Variants in NUP210L observed in about 807,000 individuals in gnomAD.
NUP210L encodes the protein nuclear pore membrane glycoprotein 210-like.
Under a neutral mutation model 208.5 loss-of-function variants are expected in NUP210L, and 74 were observed. That is an observed-to-expected ratio of 0.35 (90% CI 0.29 to 0.43). The LOEUF (loss-of-function observed/expected upper bound fraction) is 0.43, where lower values mean the gene tolerates loss of function less well. Ranked by LOEUF, NUP210L falls within the 20% of genes least tolerant of loss-of-function variation. The pLI is 1.00. For synonymous variants in NUP210L, 780 were observed against 816.9 expected, an observed-to-expected ratio of 0.95 and a Z score of 0.77; for missense variants, 1,843 against 2,289.4, an observed-to-expected ratio of 0.81 and a Z score of 3.98.
At chr1:154,060,805 A>G in intron 19 of NUP210L, 137 bp downstream of exon 19, 2 of 743,164 alleles carry the variant, frequency 2.7e-6, no homozygotes, top group South Asian at 3.6e-5. Context: ...AGGACAGTGC[A>G]ACTATTATAT....
At chr1:154,012,775 G>A (rs867846713) in intron 33 of NUP210L, among the ~76,000 whole-genome samples, 5 of 151,490 alleles carry the variant, frequency 3.3e-5, no homozygotes, top group South Asian at 2.1e-4. Flanking sequence ...AGGCCGAGGC[G>A]GGCGGCTCAC....
At chr1:154,136,059 G>C in intron 6 of NUP210L, 87 bp from the exon 7 acceptor site, 1 of 900,430 alleles carries the variant, frequency 1.1e-6, no homozygotes, top group Non-Finnish European at 1.8e-6. Context: ...GGAATGATCA[G>C]GAAGCAGACA....
intron 12 of NUP210L, among the ~76,000 whole-genome samples, chr1:154,112,419 C>T (rs1050624474): frequency 6.6e-6 from 1 of 151,844 alleles, no homozygotes; most frequent in African/African-American, 2.4e-5. Context: ...AAAAACATTG[C>T]TAAAATAACT....
chr1:154,054,069 A>T (rs937257749), intron 25 of NUP210L, among the ~76,000 whole-genome samples, 159 bp downstream of exon 25: 1 of 152,214 alleles, frequency 6.6e-6, no homozygotes, highest in Non-Finnish European at 1.5e-5. Context: ...TTCACTAAAG[A>T]TGACATTTTC....
At chr1:153,993,861 T>G (rs937850700) in intron 38 of NUP210L, among the ~76,000 whole-genome samples, 22 of 151,974 alleles carry the variant, frequency 1.4e-4, no homozygotes, top group Non-Finnish European at 1.3e-4. Flanking sequence ...TTGCACCACT[T>G]CACACCAGCC....
intron 16 of NUP210L, among the ~76,000 whole-genome samples, chr1:154,073,328 T>C (rs1312359975): frequency 1.3e-5 from 2 of 151,926 alleles, no homozygotes; most frequent in African/African-American, 4.8e-5. Flanking sequence ...TCCTCCCACC[T>C]CGGCCTCCCA....
intron 33 of NUP210L, 23 bp from the exon 34 acceptor site, chr1:154,012,393 T>A: frequency 6.2e-7 from 1 of 1,607,154 alleles, no homozygotes; most frequent in Non-Finnish European, 8.5e-7. Flanking sequence ...CAAAGGAAAA[T>A]CTGCACCTAA....
rs144422337 is a variant in NUP210L, at chr1:154,127,700, G to A, written c.1079-283C>T. ...CAAGTAACTGGGATTATCGGTGTGCGTTACCATGCATGCTCAGCTAATTTT... is the reference window on the plus strand; with the variant it reads ...CAAGTAACTGGGATTATCGGTGTGCATTACCATGCATGCTCAGCTAATTTT... On this transcript the variant is annotated intron_variant, in intron 8 of 39. Coordinates refer to ENST00000368559, the Ensembl canonical transcript of NUP210L. 8.4e-4 allele frequency among the ~76,000 whole-genome samples: 127 copies of A among 151,758 alleles called. 1 individual carries two copies. Among genetic ancestry groups the A allele is most frequent in the African/African-American group, 2.7e-3 (110 of 41,352 alleles).
intron 17 of NUP210L, among the ~76,000 whole-genome samples, chr1:154,069,928 A>C (rs1001162573): frequency 3.3e-5 from 5 of 152,180 alleles, no homozygotes; most frequent in Non-Finnish European, 5.9e-5. Context: ...TGAAACCATC[A>C]TTCTGAGCAA....
At chr1:154,051,552 C>T (rs1653504737) in intron 25 of NUP210L, among the ~76,000 whole-genome samples, 1 of 152,252 alleles carries the variant, frequency 6.6e-6, no homozygotes, top group Non-Finnish European at 1.5e-5. Flanking sequence ...TGTCTCTGGT[C>T]ACAAAGCGCA....
intron 9 of NUP210L, 95 bp from the exon 10 acceptor site, chr1:154,126,558 A>C: frequency 2.8e-6 from 3 of 1,066,226 alleles, no homozygotes; most frequent in Non-Finnish European, 4.0e-6. Context: ...GTAGCTATGC[A>C]TTCATGGAAT....
chr1:154,078,092 C>T (rs1182176845), intron 16 of NUP210L, among the ~76,000 whole-genome samples: 1 of 150,296 alleles, frequency 6.7e-6, no homozygotes, highest in African/African-American at 2.4e-5. Flanking sequence ...ATCGCTTGAG[C>T]CCAGGAGTTC....
At chr1:154,113,061 G>GC (rs1362855357) in intron 12 of NUP210L, among the ~76,000 whole-genome samples, 1 of 151,546 alleles carries the variant, frequency 6.6e-6, no homozygotes, top group Non-Finnish European at 1.5e-5. Flanking sequence ...GGAGGCTGAG[G>GC]CAGGAGGATT....
chr1:154,116,660 T>C (rs1305576133), intron 12 of NUP210L, among the ~76,000 whole-genome samples: 1 of 150,306 alleles, frequency 6.7e-6, no homozygotes, highest in African/African-American at 2.5e-5. Context: ...CCTAGGAGTT[T>C]GAGGCTGCAG....
chr1:154,089,795 A>C (rs1655812141), intron 15 of NUP210L, among the ~76,000 whole-genome samples: 1 of 152,098 alleles, frequency 6.6e-6, no homozygotes, highest in Non-Finnish European at 1.5e-5. Context: ...ATTTGAAAAC[A>C]ACTGGAACAT....
exon 32 of NUP210L, chr1:154,022,144 G>A (rs1476295793): frequency 1.9e-6 from 3 of 1,613,438 alleles, no homozygotes; most frequent in African/African-American, 1.3e-5. Context: ...CTGACAAGGT[G>A]AGTACTGAAG....
intron 19 of NUP210L, 105 bp from the exon 20 acceptor site, chr1:154,060,746 A>G (rs1571225247): frequency 3.5e-6 from 3 of 845,338 alleles, no homozygotes; most frequent in African/African-American, 1.7e-5. Flanking sequence ...TAAAAAGATT[A>G]AAGTGAATAG....
Position 154,152,720 on chromosome 1 carries a change from T to C in NUP210L, c.340+16A>G, listed in dbSNP as rs1286709982. ...CCCAGAAGAAGTGATACATAGTGTT[T>C]TTGCTCTCAACATACCTATTTCTCG... On this transcript the variant is annotated intron_variant, in intron 2 of 39. Transcript: ENST00000368559. The C allele has an allele frequency of 8.1e-6, 13 of 1,612,004 alleles. No individual in the cohort carries two copies. Among genetic ancestry groups the C allele is most frequent in the Non-Finnish European group, 9.3e-6 (11 of 1,178,428 alleles).
chr1:154,122,126 AC>A (rs1339474164), intron 10 of NUP210L, among the ~76,000 whole-genome samples: 1 of 152,222 alleles, frequency 6.6e-6, no homozygotes, highest in East Asian at 1.9e-4. Flanking sequence ...TTTATAGACA[AC>A]AAAAGACTAG....
Sources: allele counts gnomAD v4.1 joint callset (sites outside exome capture counted in the v4.1 genomes callset), GRCh38; gene constraint gnomAD v4.1.1; transcripts MANE v1.5; gene names NCBI Gene and HGNC (gene_info 2026-07-23, HGNC 2026-07-21).